INSR: variants seen among roughly 807,000 people sequenced by gnomAD.
The protein encoded by INSR is IR.
INSR carries 67 observed loss-of-function variants against 142.6 expected under a neutral mutation model. The ratio of observed to expected loss-of-function variants is 0.47; its 90% CI spans 0.39 to 0.58. The LOEUF is 0.58. Ranked by LOEUF, INSR falls within the 20% of genes least tolerant of loss-of-function variation. The pLI is 0.00. For synonymous variants in INSR, 756 were observed against 743.1 expected, an observed-to-expected ratio of 1.02 and a Z score of -0.28; for missense variants, 1,248 against 1,833.2, an observed-to-expected ratio of 0.68 and a Z score of 5.83.
At chr19:7,148,477 C>CTT (rs71177160) in intron 11 of INSR, among the ~76,000 whole-genome samples, 7,110 of 94,670 alleles carry the variant, frequency 0.075, 1,441 homozygotes, top group East Asian at 0.55. Context: ...TGTATTTATT[C>CTT]TTTTTTTTTT....
At chr19:7,220,722 C>T (rs1189169547) in intron 2 of INSR, among the ~76,000 whole-genome samples, 1 of 152,172 alleles carries the variant, frequency 6.6e-6, no homozygotes, top group Admixed American at 6.5e-5. Context: ...AGATATAAAA[C>T]ACTTAGCACA....
intron 15 of INSR, among the ~76,000 whole-genome samples, chr19:7,128,095 C>T (rs186153596): frequency 2.6e-5 from 4 of 152,110 alleles, no homozygotes; most frequent in African/African-American, 9.6e-5. Context: ...ATGTCTGCAA[C>T]TGTGATGTTG....
In INSR at chr19:7,172,311, C is replaced by T. The variant is rs757322264; in HGVS notation, c.1247G>A (p.Arg416Gln). The T allele has an allele frequency of 5.6e-6, 9 of 1,614,100 alleles. No individual in the cohort carries two copies. The highest frequency in any genetic ancestry group is 2.2e-5 in the South Asian group (2 of 91,082). The change falls in exon 5 of 22, where the codon CGA becomes CAA. Residue 416 changes from arginine (R) to glutamine (Q), a missense_variant. Arg to Gln is a conservative substitution (Grantham distance 43). Coordinates refer to ENST00000302850, the MANE Select transcript of INSR (RefSeq NM_000208.4). ...GTACCCAATTTCCAAGGTCTCTCCT[C>T]GAATCAGACGTAACTTCCGGAAGAA... ...LSFFRKLRLI[R>Q]GETLEIGNYS...
rs960289706 is a variant in INSR at position 7,219,470 on chromosome 19, G to A, written c.653-34833C>T. ...GAGAGAAAGAAGAGAGAGAGAGAGA[G>A]AAAAGGGAGGGAGGGAAGGAAGGAA... On this transcript the variant is annotated intron_variant, in intron 2 of 21. Transcript: ENST00000302850. Among the ~76,000 whole-genome samples the A allele has an allele frequency of 1.7e-4, 11 of 62,942 alleles. No homozygotes were observed. In the South Asian group the frequency reaches 2.3e-3, roughly 13 times the overall value. The allele number at this position is 62,942 out of a possible 152,430, so 41.3% of individuals were successfully genotyped here. A position where few individuals can be genotyped will look rare whatever the true frequency, so the allele number is the denominator to read the frequency against.
rs547144868 is a variant in INSR at position 7,170,430 on chromosome 19, C to T, written c.1483+107G>A. 1.0e-3 allele frequency: 831 copies of T among 797,350 alleles called. 5 individuals are homozygous for T. Among genetic ancestry groups the T allele is most frequent in the South Asian group, 2.6e-3 (194 of 73,498 alleles). The allele number at this position is 797,350 out of a possible 1,614,324, so 49.4% of individuals were successfully genotyped here. On this transcript the variant is annotated intron_variant, in intron 6 of 21. Coordinates refer to ENST00000302850, the MANE Select transcript of INSR (RefSeq NM_000208.4). ...AATAAAGTGCATAGTAAATGTAATG[C>T]ACTTGAATCATGCTGAAACCATCCC... is the stretch of plus-strand genomic sequence containing the variant.
intron 2 of INSR, among the ~76,000 whole-genome samples, chr19:7,260,842 C>G (rs935854551): frequency 6.6e-6 from 1 of 151,596 alleles, no homozygotes; most frequent in Middle Eastern, 3.2e-3. Flanking sequence ...AATGGTAAAA[C>G]GAGACTGGAA....
chr19:7,246,360 G>A (rs1035227048), intron 2 of INSR, among the ~76,000 whole-genome samples: 18 of 152,150 alleles, frequency 1.2e-4, no homozygotes, highest in Admixed American at 9.2e-4. Flanking sequence ...GCCCAAACTA[G>A]CCAACTGGAG....
chr19:7,135,090 TAAAA>T (rs5826960), intron 13 of INSR, among the ~76,000 whole-genome samples: 2 of 78,454 alleles, frequency 2.5e-5, no homozygotes, highest in African/African-American at 5.6e-5. Flanking sequence ...AAAGAAATGT[TAAAA>T]AAAAAAAAAA....
At position 7,224,727 on chromosome 19, in the gene INSR, G is replaced by A. The variant is rs1474212393; in HGVS notation, c.653-40090C>T. 2.6e-5 allele frequency among the ~76,000 whole-genome samples: 4 copies of A among 152,368 alleles called. No homozygotes were observed. The East Asian group carries it at 7.7e-4, about 29-fold the overall frequency. ...CGTGGTTATAAATACAGCAAAGAGTGTTTGGATGAAGCTGGTGTCTGAAAG... is the reference window on the plus strand; with the variant it reads ...CGTGGTTATAAATACAGCAAAGAGTATTTGGATGAAGCTGGTGTCTGAAAG... On this transcript the variant is annotated intron_variant, in intron 2 of 21. Transcript: ENST00000302850.
chr19:7,153,470 A>ACACACACCACACACGC (rs1973501368), intron 9 of INSR, among the ~76,000 whole-genome samples: 1 of 21,262 alleles, frequency 4.7e-5, no homozygotes, highest in African/African-American at 6.8e-5. Flanking sequence ...CACACACCAC[A>ACACACACCACACACGC]CACACACCAC....
chr19:7,289,870 G>A (rs1051872202), intron 1 of INSR, among the ~76,000 whole-genome samples: 6 of 152,280 alleles, frequency 3.9e-5, no homozygotes, highest in Middle Eastern at 3.4e-3. Context: ...CACATGGGTG[G>A]AGACCATGGT....
intron 1 of INSR, among the ~76,000 whole-genome samples, chr19:7,284,032 T>TTG (rs367930573): frequency 1.2e-3 from 178 of 151,992 alleles, no homozygotes; most frequent in African/African-American, 3.7e-3. Context: ...ACACATGCCT[T>TTG]TGTGTGTGTG....
chr19:7,243,827 G>T (rs1976443918), intron 2 of INSR, among the ~76,000 whole-genome samples: 1 of 152,086 alleles, frequency 6.6e-6, no homozygotes, highest in Non-Finnish European at 1.5e-5. Context: ...AACCAAGTAG[G>T]TTTTACCACA....
chr19:7,125,964 C>G lies in INSR; in HGVS notation c.3014-437G>C, dbSNP rs907843371. ...TGAAAAGGTGGAGTCTATCTCACCA[C>G]CCCTTGGCCCTGGGCATGGCCTTGT... On this transcript the variant is annotated intron_variant, in intron 16 of 21. Coordinates refer to ENST00000302850, the MANE Select transcript of INSR (RefSeq NM_000208.4). This position sits in a 1 kb window ranked among gnomAD's most constrained non-coding sequence, Gnocchi z 4.9. 6.6e-5 allele frequency among the ~76,000 whole-genome samples: 10 copies of G among 152,162 alleles called. No individual in the cohort carries two copies. The highest frequency in any genetic ancestry group is 2.4e-4 in the African/African-American group (10 of 41,448).
intron 2 of INSR, among the ~76,000 whole-genome samples, chr19:7,191,346 A>AGGAG (rs1219180320): frequency 6.7e-5 from 9 of 134,566 alleles, no homozygotes; most frequent in South Asian, 2.8e-4. Flanking sequence ...AAAGAAAGAA[A>AGGAG]GGAGGGAGGG....
chr19:7,253,283 G>A (rs10426819), intron 2 of INSR, among the ~76,000 whole-genome samples: 57,365 of 151,310 alleles, frequency 0.38, 11,707 homozygotes, highest in African/African-American at 0.51. Context: ...TTGTCACCCA[G>A]GCTGGAGTGC....
At chr19:7,280,133 A>C (rs147854906) in intron 1 of INSR, among the ~76,000 whole-genome samples, 1 of 150,560 alleles carries the variant, frequency 6.6e-6, no homozygotes, top group Admixed American at 6.6e-5. Context: ...GCGTGGTGGC[A>C]GGCGCCTGTA....
intron 2 of INSR, among the ~76,000 whole-genome samples, chr19:7,212,333 C>A (rs1466909629): frequency 6.6e-6 from 1 of 152,312 alleles, no homozygotes; most frequent in Middle Eastern, 3.4e-3. Flanking sequence ...GCACCCCATT[C>A]CCCTGGCTTC....
Position 7,123,001 on chromosome 19 carries a change from G to T in INSR, c.3259-12C>A. 6.3e-7 allele frequency: 1 copy of T among 1,579,124 alleles called. No homozygotes were observed. Among genetic ancestry groups the T allele is most frequent in the East Asian group, 2.3e-5 (1 of 43,192 alleles). The stretch of plus-strand genomic sequence containing the variant: ...CCCAGGAGGCGCACCTGCAGAGCAA[G>T]CAACCAGGGTTCTTGGAGGAGGGTC... On this transcript the variant is annotated splice_polypyrimidine_tract_variant and intron_variant, in intron 17 of 21. Transcript: ENST00000302850.
Sources: allele counts gnomAD v4.1 joint callset (sites outside exome capture counted in the v4.1 genomes callset), GRCh38; gene constraint gnomAD v4.1.1; non-coding constraint Gnocchi (gnomAD v3.1); transcripts MANE v1.5; gene names NCBI Gene and HGNC (gene_info 2026-07-23, HGNC 2026-07-21).